The following ZNF534 variants were observed in gnomAD, a reference collection of about 807,000 sequenced individuals.
ZNF534 encodes the protein KRAB domain only 3.
In ZNF534, 19 loss-of-function variants were observed where a neutral mutation model predicts 13.6. The ratio of observed to expected loss-of-function variants is 1.40; its 90% CI spans 0.97 to 2.05. The LOEUF is 2.05. Ranked by LOEUF, ZNF534 falls within the 30% of genes most tolerant of loss-of-function variation. The pLI is 0.00. For synonymous variants in ZNF534, 244 were observed against 273.8 expected, an observed-to-expected ratio of 0.89 and a Z score of 1.07; for missense variants, 782 against 796.3, an observed-to-expected ratio of 0.98 and a Z score of 0.22.
At position 52,438,438 on chromosome 19, in the gene ZNF534, T is replaced by C. The variant is rs372600849; in HGVS notation, c.978T>C (p.Tyr326=). Residue 326 remains tyrosine (Y), a synonymous_variant, in exon 5 of 5, where the codon TAT becomes TAC. Coordinates refer to ENST00000433050, the MANE Select transcript of ZNF534 (RefSeq NM_001143938.3). Reference sequence around the variant, plus strand: ...TAATCCATACTGGAGAGAAACCTTATGATTGTAAGGAATGTGGCAAGGTCT... The same window carrying C: ...TAATCCATACTGGAGAGAAACCTTACGATTGTAAGGAATGTGGCAAGGTCT... ...HLVIHTGEKP[Y]DCKECGKVFR... is the part of the protein sequence containing the mutation. 14 of 1,611,850 alleles carry C rather than the reference T, an allele frequency of 8.7e-6. No individual in the cohort carries two copies. Among genetic ancestry groups the C allele is most frequent in the African/African-American group, 2.7e-5 (2 of 74,886 alleles).
At chr19:52,451,937 G>T in exon 5 of ZNF534, 1 of 423,624 alleles carries the variant, frequency 2.4e-6, no homozygotes, top group South Asian at 2.6e-5. Flanking sequence ...CTACCGGAAA[G>T]AATTAAAATT....
At chr19:52,436,202 T>G (rs1369726341) in intron 4 of ZNF534, among the ~76,000 whole-genome samples, 3 of 152,050 alleles carry the variant, frequency 2.0e-5, no homozygotes, top group African/African-American at 7.2e-5. Flanking sequence ...CCTCCCAAAG[T>G]TCTGGGATTA....
At chr19:52,445,197 A>ATTT (rs3054888), downstream of ZNF534, among the ~76,000 whole-genome samples, 389 of 143,304 alleles carry the variant, frequency 2.7e-3, 1 homozygote, top group African/African-American at 9.7e-3. Context: ...CACTCAGCTA[A>ATTT]TTTTTTTTTT....
At chr19:52,435,261 A>G in intron 4 of ZNF534, 52 bp downstream of exon 4, 1 of 1,548,562 alleles carries the variant, frequency 6.5e-7, no homozygotes, top group South Asian at 1.3e-5. Flanking sequence ...GTATTTTGAG[A>G]AGGGTCTCAC....
exon 5 of ZNF534, chr19:52,451,237 C>A (rs762159411): frequency 1.2e-5 from 9 of 732,134 alleles, no homozygotes; most frequent in East Asian, 2.7e-5. Context: ...GGAAGCCTGG[C>A]GCGCGTCCGG....
rs781522759 is a variant in ZNF534, at chr19:52,437,875, A to G, written c.415A>G (p.Ile139Val). The change falls in exon 5 of 5, where the codon ATC (isoleucine) becomes GTC (valine). Residue 139 changes from isoleucine to valine, a missense_variant. By Grantham distance (29) the Ile-to-Val change is conservative (BLOSUM62 3). Around this residue, in one of 5 missense-constraint regions of ZNF534, gnomAD observed 591 missense variants for 574.0 expected, o/e 1.03. Coordinates refer to ENST00000433050, the MANE Select transcript of ZNF534 (RefSeq NM_001143938.3). ...TGGATGTAAGCATGTTGAGAAATCTATCAGTGACAATTCTTCAGTTTCACC... is the reference window on the plus strand; with the variant it reads ...TGGATGTAAGCATGTTGAGAAATCTGTCAGTGACAATTCTTCAGTTTCACC... ...IYGCKHVEKS[I>V]SDNSSVSPVQ... The G allele has an allele frequency of 8.1e-6, 13 of 1,613,738 alleles. No homozygotes were observed. Among genetic ancestry groups the G allele is most frequent in the South Asian group, 4.4e-5 (4 of 90,992 alleles).
chr19:52,439,291 T>C lies in ZNF534; in HGVS notation c.1831T>C (p.Cys611Arg), dbSNP rs776331155. ...AGAGAAGCTTTACAAATGTAATGAATGTAGCAAGGTCTTCAGTCGGAATTC... is the reference window on the plus strand; with the variant it reads ...AGAGAAGCTTTACAAATGTAATGAACGTAGCAAGGTCTTCAGTCGGAATTC... The part of the protein sequence containing the change: ...TGEKLYKCNE[C>R]SKVFSRNSRL... Residue 611 changes from cysteine (C) to arginine (R), a missense_variant, in exon 5 of 5, where the codon TGT (cysteine) becomes CGT (arginine). Cys to Arg is a radical substitution (Grantham distance 180). Transcript: ENST00000433050. 2 of 1,563,204 alleles carry C rather than the reference T, an allele frequency of 1.3e-6. No individual in the cohort carries two copies. The highest frequency in any genetic ancestry group is 2.3e-5 in the South Asian group (2 of 85,564).
At chr19:52,444,348 C>A (rs533453522), downstream of ZNF534, among the ~76,000 whole-genome samples, 9 of 152,142 alleles carry the variant, frequency 5.9e-5, no homozygotes, top group Non-Finnish European at 1.0e-4. Flanking sequence ...TCCTGTGATA[C>A]GAACTGTCTA....
At position 52,440,740 on chromosome 19, in the gene ZNF534, T is replaced by G. The variant is rs540777968; in HGVS notation, c.*1294T>G. On this transcript the variant is annotated 3_prime_UTR_variant, in exon 5 of 5. Coordinates refer to ENST00000433050, the MANE Select transcript of ZNF534 (RefSeq NM_001143938.3). Reference sequence around the variant, plus strand: ...AGGTTGCAGTGAGCCAAGAATGCGCTACTACACTCCAGCCTGTGTGACAGT... The same window carrying G: ...AGGTTGCAGTGAGCCAAGAATGCGCGACTACACTCCAGCCTGTGTGACAGT... Among the ~76,000 whole-genome samples the G allele has an allele frequency of 2.4e-3, 360 of 149,966 alleles. 1 individual carries two copies. The highest frequency in any genetic ancestry group is 8.4e-3 in the African/African-American group (341 of 40,670).
At position 52,431,423 on chromosome 19, in the gene ZNF534, A is replaced by T; in HGVS notation, c.-52A>T. 6.2e-7 allele frequency: 1 copy of T among 1,612,140 alleles called. No homozygotes were observed. ...TTGATACTAGGATTCACTTTCAAAG[A>T]GACATATTATGCAAGGAAGCAACTC... On this transcript the variant is annotated 5_prime_UTR_variant, in exon 2 of 5. Coordinates refer to ENST00000433050, the MANE Select transcript of ZNF534 (RefSeq NM_001143938.3).
downstream of ZNF534, among the ~76,000 whole-genome samples, chr19:52,443,168 T>C (rs765135008): frequency 3.3e-5 from 5 of 152,202 alleles, no homozygotes; most frequent in African/African-American, 4.8e-5. Flanking sequence ...ATGCATTTTC[T>C]CTTAAGTCTG....
Position 52,437,971 on chromosome 19 carries a change from A to T in ZNF534, c.511A>T (p.Thr171Ser), listed in dbSNP as rs1030245316. 6.2e-7 allele frequency: 1 copy of T among 1,613,670 alleles called. No homozygotes were observed. The highest frequency in any genetic ancestry group is 8.5e-7 in the Non-Finnish European group (1 of 1,179,958). Reference sequence around the variant, plus strand: ...CTACAGAAATGATTTTCTTTTTTCTACATTACTCCCACAAGAACAGAAAGT... The same window carrying T: ...CTACAGAAATGATTTTCTTTTTTCTTCATTACTCCCACAAGAACAGAAAGT... ...NNYRNDFLFS[T>S]LLPQEQKVHI... Residue 171 changes from threonine to serine, a missense_variant, in exon 5 of 5, where the codon ACA (threonine) becomes TCA (serine). Physicochemically the swap from Thr to Ser is moderately conservative, Grantham distance 58 (BLOSUM62 1). Coordinates refer to ENST00000433050, the MANE Select transcript of ZNF534 (RefSeq NM_001143938.3).
rs71180462 is a variant in ZNF534, at chr19:52,439,764, GAAA to G, written c.*328_*330del. On this transcript the variant is annotated 3_prime_UTR_variant, in exon 5 of 5. Coordinates refer to ENST00000433050, the MANE Select transcript of ZNF534 (RefSeq NM_001143938.3). ...AGAGTGAAACTCCATCTCAAAAAAA[GAAA>G]AAAAAAAAATGAGTGAAGCTGCCAA... Among the ~76,000 whole-genome samples, 1 of 149,310 alleles carries G rather than the reference GAAA, an allele frequency of 6.7e-6. No individual in the cohort carries two copies. Among genetic ancestry groups the G allele is most frequent in the African/African-American group, 2.5e-5 (1 of 40,340 alleles).
Position 52,441,151 on chromosome 19 carries a change from G to T in ZNF534, c.*1705G>T, listed in dbSNP as rs1316509837. On this transcript the variant is annotated 3_prime_UTR_variant, in exon 5 of 5. Coordinates refer to ENST00000433050, the MANE Select transcript of ZNF534 (RefSeq NM_001143938.3). ...GATCTCCTGACCTTGTGATCCATCT[G>T]CCTTGGCCTCCCAAAGTGCTGGGAT... Among the ~76,000 whole-genome samples, 2 of 152,188 alleles carry T rather than the reference G, an allele frequency of 1.3e-5. No homozygotes were observed. The highest frequency in any genetic ancestry group is 3.9e-4 in the East Asian group (2 of 5,178).
downstream of ZNF534, among the ~76,000 whole-genome samples, chr19:52,444,317 C>T (rs950449860): frequency 6.6e-6 from 1 of 152,152 alleles, no homozygotes; most frequent in Non-Finnish European, 1.5e-5. Flanking sequence ...CAGGCTGGTA[C>T]TGGGGGTTGT....
At chr19:52,433,638 T>C (rs1026456048) in intron 2 of ZNF534, among the ~76,000 whole-genome samples, 1 of 152,242 alleles carries the variant, frequency 6.6e-6, no homozygotes, top group Admixed American at 6.5e-5. Flanking sequence ...AATGCTGGGA[T>C]TACAGGCATG....
intron 4 of ZNF534, 79 bp from the exon 5 acceptor site, chr19:52,437,637 AATGTCTGAGTGAAGTG>A: frequency 8.1e-7 from 1 of 1,230,272 alleles, no homozygotes; most frequent in Non-Finnish European, 1.1e-6. Context: ...TGATAATTTC[AATGTCTGAGTGAAGTG>A]ATGCAGAATC....
chr19:52,451,543 G>C, exon 5 of ZNF534: 1 of 603,586 alleles, frequency 1.7e-6, no homozygotes, highest in Non-Finnish European at 2.9e-6. Context: ...CCGCGGAGGA[G>C]GGCGGCATGC....
downstream of ZNF534, among the ~76,000 whole-genome samples, chr19:52,443,096 A>C (rs925010938): frequency 6.6e-6 from 1 of 152,212 alleles, no homozygotes; most frequent in Middle Eastern, 3.2e-3. Flanking sequence ...ATTGAATAGC[A>C]ATAGTTCCTG....
Sources: allele counts gnomAD v4.1 joint callset (sites outside exome capture counted in the v4.1 genomes callset), GRCh38; gene constraint gnomAD v4.1.1; regional missense constraint gnomAD v4.1.1; transcripts MANE v1.5; gene names NCBI Gene and HGNC (gene_info 2026-07-23, HGNC 2026-07-21).